Variants in CCDC38 observed in about 807,000 individuals in gnomAD.
CCDC38 encodes coiled-coil domain containing 38, also known as coiled-coil domain-containing protein 38.
In CCDC38, 69 loss-of-function variants were observed where a neutral mutation model predicts 72.8. That is an observed-to-expected ratio of 0.95 (90% confidence interval 0.78 to 1.16). The LOEUF (loss-of-function observed/expected upper bound fraction) is 1.16. CCDC38 is among the 50% of genes most tolerant of loss of function. The pLI is 0.00. For missense variants in CCDC38, 626 were observed against 638.9 expected, an observed-to-expected ratio of 0.98 and a Z score of 0.22; for synonymous variants, 201 against 213.2, an observed-to-expected ratio of 0.94 and a Z score of 0.50.
chr12:95,931,173 C>T (rs2080333675), intron 2 of CCDC38, among the ~76,000 whole-genome samples: 1 of 152,146 alleles, frequency 6.6e-6, no homozygotes, highest in Non-Finnish European at 1.5e-5. Context: ...CTGGAGGCTC[C>T]AGGTGAGAAT....
At chr12:95,929,653 G>A (rs2080315693) in intron 2 of CCDC38, among the ~76,000 whole-genome samples, 1 of 152,146 alleles carries the variant, frequency 6.6e-6, no homozygotes, top group Admixed American at 6.5e-5. Context: ...TGATATTTTT[G>A]TCCCTCCAAG....
intron 4 of CCDC38, among the ~76,000 whole-genome samples, chr12:95,909,705 A>G (rs76041874): frequency 0.091 from 13,876 of 152,192 alleles, 796 homozygotes; most frequent in Non-Finnish European, 0.12. Context: ...AATTCACCAC[A>G]ATCAAGTGGG....
chr12:95,890,481 A>G (rs2079812148), intron 9 of CCDC38, among the ~76,000 whole-genome samples: 2 of 152,248 alleles, frequency 1.3e-5, no homozygotes, highest in Non-Finnish European at 2.9e-5. Flanking sequence ...ACCTCGTTGC[A>G]AATGGCCTGG....
intron 2 of CCDC38, chr12:95,935,121 A>T (rs2080379318): frequency 6.6e-6 from 1 of 152,218 alleles, no homozygotes; most frequent in Non-Finnish European, 1.5e-5. Flanking sequence ...TGCAATAAAT[A>T]TTCCTGTACA....
chr12:95,872,431 CTT>C lies in CCDC38; in HGVS notation c.1306_1307del (p.Lys436AspfsTer13), dbSNP rs1187607760. 3 of 1,613,750 alleles carry C rather than the reference CTT, an allele frequency of 1.9e-6. No individual in the cohort carries two copies. Among genetic ancestry groups the C allele is most frequent in the Non-Finnish European group, 2.5e-6 (3 of 1,179,716 alleles). ...QEILIDSLSK[K>X]ITQVYKVCIG... ...TGCAGACTTTGTATACTTGAGTAAT[CTT>C]TTTACTAAGTGAGTCTATCAGTATT... On this transcript the variant is annotated frameshift_variant, in exon 14 of 16. Transcript: ENST00000344280. LOFTEE classifies it high-confidence loss of function.
At chr12:95,911,976 C>T (rs771697828) in intron 4 of CCDC38, among the ~76,000 whole-genome samples, 1 of 152,190 alleles carries the variant, frequency 6.6e-6, no homozygotes, top group Non-Finnish European at 1.5e-5. Context: ...AGATGCCCAT[C>T]AACAGTGGAC....
At chr12:95,930,938 T>G (rs2080330990) in intron 2 of CCDC38, among the ~76,000 whole-genome samples, 1 of 150,622 alleles carries the variant, frequency 6.6e-6, no homozygotes, top group South Asian at 2.1e-4. Context: ...TATATTCTTC[T>G]CTAAGCTGCC....
At chr12:95,878,476 G>T in intron 12 of CCDC38, 130 bp from the exon 13 acceptor site, 1 of 824,962 alleles carries the variant, frequency 1.2e-6, no homozygotes, top group Non-Finnish European at 1.9e-6. Context: ...GTCTGTATTT[G>T]AAGACATTGC....
Position 95,890,891 on chromosome 12 carries a change from T to C in CCDC38, c.812A>G (p.Glu271Gly). 2 of 1,606,634 alleles carry C rather than the reference T, an allele frequency of 1.2e-6. No individual in the cohort carries two copies. Among genetic ancestry groups the C allele is most frequent in the African/African-American group, 2.7e-5 (2 of 74,884 alleles). ...AAGGACAGCTGTCCTCCCGGACTCC[T>C]CAAGGATGCCTTCCTTGTTACTTGA... ...LHSSNKEGIL[E>G]ESGRTAVLSE... The change falls in exon 9 of 16, where the codon GAG (glutamate) becomes GGG (glycine). Residue 271 changes from glutamate (E) to glycine (G), a missense_variant. Glu to Gly is a moderately conservative substitution (Grantham distance 98). Coordinates refer to ENST00000344280, the MANE Select transcript of CCDC38 (RefSeq NM_182496.3).
intron 2 of CCDC38, among the ~76,000 whole-genome samples, chr12:95,925,021 A>G (rs1165452724): frequency 2.4e-4 from 36 of 147,236 alleles, no homozygotes; most frequent in Non-Finnish European, 3.8e-4. Context: ...TTGGCGATGC[A>G]GGCTCTTTTT....
Position 95,893,200 on chromosome 12 carries a change from T to A in CCDC38, c.772+1789A>T, listed in dbSNP as rs1004320481. ...ATATCAATCTTTCTATCTGAAAACATGACGTAGCTTTCTATTTCTCAAAAC... is the reference window on the plus strand; with the variant it reads ...ATATCAATCTTTCTATCTGAAAACAAGACGTAGCTTTCTATTTCTCAAAAC... On this transcript the variant is annotated intron_variant, in intron 8 of 15. Transcript: ENST00000344280. 4.7e-4 allele frequency among the ~76,000 whole-genome samples: 72 copies of A among 152,062 alleles called. 1 individual carries two copies. The highest frequency in any genetic ancestry group is 1.9e-4 in the Non-Finnish European group (13 of 67,954).
chr12:95,934,710 A>C (rs899192210), intron 2 of CCDC38: 1 of 152,004 alleles, frequency 6.6e-6, no homozygotes, highest in African/African-American at 2.4e-5. Flanking sequence ...AAAAAAAAAA[A>C]AAAAACTAAA....
chr12:95,890,068 T>C (rs1301071479), intron 9 of CCDC38, among the ~76,000 whole-genome samples: 1 of 152,068 alleles, frequency 6.6e-6, no homozygotes, highest in Admixed American at 6.5e-5. Context: ...TATACCACCA[T>C]GCCCAGCTAA....
chr12:95,924,491 C>T (rs1179608501), intron 2 of CCDC38, among the ~76,000 whole-genome samples: 2 of 144,036 alleles, frequency 1.4e-5, no homozygotes, highest in African/African-American at 2.6e-5. Context: ...TTGTAGGTTG[C>T]CTGTTCACTC....
chr12:95,899,496 G>T (rs989848420), intron 5 of CCDC38, among the ~76,000 whole-genome samples: 4 of 152,008 alleles, frequency 2.6e-5, no homozygotes, highest in African/African-American at 9.7e-5. Context: ...GATGGTTTTT[G>T]CCATGTCAGC....
chr12:95,900,447 A>G (rs1252598591), intron 5 of CCDC38, among the ~76,000 whole-genome samples: 1 of 152,234 alleles, frequency 6.6e-6, no homozygotes, highest in Non-Finnish European at 1.5e-5. Flanking sequence ...ATATGTTGAC[A>G]TAATGACAGA....
chr12:95,880,893 CAGAA>C (rs997037346), intron 11 of CCDC38, among the ~76,000 whole-genome samples: 6 of 152,072 alleles, frequency 3.9e-5, no homozygotes, highest in African/African-American at 1.2e-4. Flanking sequence ...TTTGCAAAAT[CAGAA>C]AGTTCTAGAG....
intron 5 of CCDC38, among the ~76,000 whole-genome samples, chr12:95,904,304 G>A (rs930241735): frequency 1.3e-5 from 2 of 152,210 alleles, no homozygotes; most frequent in Non-Finnish European, 2.9e-5. Context: ...GTTACCCAGA[G>A]TTAGCCAAAT....
At chr12:95,913,549 A>C (rs1001145526) in intron 4 of CCDC38, among the ~76,000 whole-genome samples, 10 of 152,214 alleles carry the variant, frequency 6.6e-5, no homozygotes, top group Non-Finnish European at 1.5e-4. Flanking sequence ...TGGAAAGTGA[A>C]GGATAATTAA....
Sources: allele counts gnomAD v4.1 joint callset (sites outside exome capture counted in the v4.1 genomes callset), GRCh38; gene constraint gnomAD v4.1.1; transcripts MANE v1.5; gene names NCBI Gene and HGNC (gene_info 2026-07-23, HGNC 2026-07-21).